Variants in ABCA9 observed in about 807,000 individuals in gnomAD.
The protein encoded by ABCA9 is ATP-binding cassette sub-family A member 9.
In ABCA9, 183 loss-of-function variants were observed where a neutral mutation model predicts 205.3. That is an observed-to-expected ratio of 0.89 (90% CI 0.79 to 1.01). The LOEUF (loss-of-function observed/expected upper bound fraction) is 1.01. ABCA9 is among the 50% of genes least tolerant of loss of function. The pLI, the probability that ABCA9 is intolerant of heterozygous loss-of-function variation, is 0.00. For missense variants in ABCA9, 1,805 were observed against 1,912.4 expected, an observed-to-expected ratio of 0.94 and a Z score of 1.05; for synonymous variants, 651 against 683.3, an observed-to-expected ratio of 0.95 and a Z score of 0.74.
Position 69,012,221 on chromosome 17 carries a change from AC to A in ABCA9, c.3040-139del, listed in dbSNP as rs1217902912. Reference sequence around the variant, plus strand: ...CTCAAGGTCCTATATGCAACTTCTTACCCACATTCATTTTCAATCCTGTATT... The same window carrying A: ...CTCAAGGTCCTATATGCAACTTCTTACCACATTCATTTTCAATCCTGTATT... On this transcript the variant is annotated intron_variant, in intron 22 of 38. Coordinates refer to ENST00000340001, the MANE Select transcript of ABCA9 (RefSeq NM_080283.4). The A allele has an allele frequency of 7.2e-6, 4 of 552,792 alleles. No individual in the cohort carries two copies. The South Asian group carries it at 8.1e-5, about 11-fold the overall frequency. The allele number at this position is 552,792 out of a possible 1,614,324, so 34.2% of individuals were successfully genotyped here.
Position 69,026,366 on chromosome 17 carries a change from C to A in ABCA9, c.2141+11G>T. 6.2e-7 allele frequency: 1 copy of A among 1,608,142 alleles called. No individual in the cohort carries two copies. Among genetic ancestry groups the A allele is most frequent in the Non-Finnish European group, 8.5e-7 (1 of 1,175,902 alleles). On this transcript the variant is annotated intron_variant, in intron 16 of 38. Coordinates refer to ENST00000340001, the MANE Select transcript of ABCA9 (RefSeq NM_080283.4). ...CATCTGTCAACACGTCTCCAACATT[C>A]AGGGCTGTACCTTAAATGGTAGCCT...
At position 69,045,296 on chromosome 17, in the gene ABCA9, A is replaced by G; in HGVS notation, c.345T>C (p.Asp115=). 1 of 1,612,722 alleles carries G rather than the reference A, an allele frequency of 6.2e-7. No individual in the cohort carries two copies. Among genetic ancestry groups the G allele is most frequent in the Non-Finnish European group, 8.5e-7 (1 of 1,179,256 alleles). The change falls in exon 4 of 39, where the codon GAT becomes GAC. Residue 115 remains aspartate (D), a synonymous_variant. Transcript: ENST00000340001. The part of the protein sequence containing the change: ...IMGWPDEKSM[D]ELDLNYSIDA... ...CTATTGAATAGTTCAAATCCAATTC[A>G]TCCATGCTTTTTTCATCAGGCCACC...
chr17:68,990,393 G>A (rs2069408715), intron 29 of ABCA9, among the ~76,000 whole-genome samples: 1 of 152,184 alleles, frequency 6.6e-6, no homozygotes. Context: ...ACATGCATGT[G>A]TTTCTTGAGA....
At chr17:69,008,928 C>A (rs1284325404) in intron 23 of ABCA9, among the ~76,000 whole-genome samples, 2 of 152,050 alleles carry the variant, frequency 1.3e-5, no homozygotes, top group Admixed American at 1.3e-4. Flanking sequence ...AATTTCAAAT[C>A]TAAAATTGAG....
chr17:68,979,802 T>A (rs987919863), intron 37 of ABCA9, among the ~76,000 whole-genome samples: 7 of 152,194 alleles, frequency 4.6e-5, no homozygotes, highest in Non-Finnish European at 7.3e-5. Context: ...ATTAAAGACT[T>A]AAATGTTAGA....
At chr17:69,072,209 A>G in the ABCA9 span, among the ~76,000 whole-genome samples, 2 of 152,344 alleles carry the variant, frequency 1.3e-5, no homozygotes, top group South Asian at 4.1e-4. Context: ...CAATCTAGCA[A>G]GACAGGCCAA....
At chr17:69,076,105 AG>A in the ABCA9 span, among the ~76,000 whole-genome samples, 2 of 152,136 alleles carry the variant, frequency 1.3e-5, no homozygotes, top group Non-Finnish European at 2.9e-5. Flanking sequence ...GCAGTTTTCA[AG>A]GGGAATGGTT....
the ABCA9 span, among the ~76,000 whole-genome samples, chr17:69,077,981 C>A: frequency 0.53 from 80,112 of 151,740 alleles, 22,986 homozygotes; most frequent in Non-Finnish European, 0.66. Context: ...TAAAAAATAT[C>A]AAATCCCATA....
At chr17:69,077,496 T>G in the ABCA9 span, among the ~76,000 whole-genome samples, 1 of 152,216 alleles carries the variant, frequency 6.6e-6, no homozygotes, top group African/African-American at 2.4e-5. Context: ...ATCAGTGAAG[T>G]GTTCTATAGA....
chr17:69,038,730 G>A (rs1423273373), intron 6 of ABCA9, among the ~76,000 whole-genome samples: 1 of 152,154 alleles, frequency 6.6e-6, no homozygotes, highest in Non-Finnish European at 1.5e-5. Context: ...AATCAGGCAA[G>A]AGAAAGAAAT....
intron 1 of ABCA9, among the ~76,000 whole-genome samples, chr17:69,056,158 T>TA (rs2072063800): frequency 1.3e-5 from 2 of 151,694 alleles, no homozygotes; most frequent in African/African-American, 4.8e-5. Context: ...AAAGAAATAG[T>TA]AAAAATTATG....
At chr17:69,054,661 T>C (rs1277204881) in intron 1 of ABCA9, among the ~76,000 whole-genome samples, 4 of 151,866 alleles carry the variant, frequency 2.6e-5, no homozygotes, top group South Asian at 2.1e-4. Flanking sequence ...TAGAAAATAA[T>C]AGCAATGTAT....
intron 4 of ABCA9, 56 bp downstream of exon 4, chr17:69,045,116 C>T: frequency 1.4e-6 from 2 of 1,467,932 alleles, no homozygotes; most frequent in South Asian, 1.2e-5. Flanking sequence ...AGGTATGCCC[C>T]CTTTGTGGCT....
rs139077622 is a variant in ABCA9 at position 69,009,617 on chromosome 17, C to T, written c.3148-1382G>A. ...GATTTAGACAGAGAATTAACATGGT[C>T]AGCTTTGTGTTTTTAAGGTATTACT... On this transcript the variant is annotated intron_variant, in intron 23 of 38. Coordinates refer to ENST00000340001, the MANE Select transcript of ABCA9 (RefSeq NM_080283.4). Among the ~76,000 whole-genome samples the T allele has an allele frequency of 6.1e-3, 930 of 152,204 alleles. 5 individuals are homozygous for T. Among genetic ancestry groups the T allele is most frequent in the Middle Eastern group, 0.014 (4 of 294 alleles).
intron 1 of ABCA9, chr17:69,051,587 A>G (rs1220243934): frequency 6.0e-6 from 1 of 166,254 alleles, no homozygotes; most frequent in Non-Finnish European, 1.3e-5. Context: ...AGATTCTCAC[A>G]TGGGGTCATG....
At chr17:69,047,112 C>T (rs934069604) in intron 3 of ABCA9, among the ~76,000 whole-genome samples, 7 of 151,090 alleles carry the variant, frequency 4.6e-5, no homozygotes, top group Admixed American at 2.6e-4. Context: ...CAGGCACATG[C>T]CACCACACCC....
intron 37 of ABCA9, among the ~76,000 whole-genome samples, chr17:68,976,782 C>G (rs2068902650): frequency 6.6e-6 from 1 of 152,190 alleles, no homozygotes; most frequent in Non-Finnish European, 1.5e-5. Context: ...TTACACTGTT[C>G]CATGTACCTT....
rs1226392334 is a variant in ABCA9, at chr17:69,020,462, C to T, written c.2526G>A (p.Trp842Ter). Residue 842 changes from tryptophan to a stop codon, truncating the protein, a stop_gained, in exon 19 of 39, where the codon TGG becomes TGA. Coordinates refer to ENST00000340001, the MANE Select transcript of ABCA9 (RefSeq NM_080283.4). LOFTEE classifies it high-confidence loss of function. ...TRKTISGVAL[W>*]RQQVCAIAKV... ...TTGCTATTGCACAGACCTGCTGCCTCCAGAGCGCCACGCCACTGATTGTTT... is the reference window on the plus strand; with the variant it reads ...TTGCTATTGCACAGACCTGCTGCCTTCAGAGCGCCACGCCACTGATTGTTT... 6.2e-7 allele frequency: 1 copy of T among 1,613,928 alleles called. No homozygotes were observed. The highest frequency in any genetic ancestry group is 8.5e-7 in the Non-Finnish European group (1 of 1,179,976).
chr17:69,021,231 GAAAAT>G (rs2070797671), intron 18 of ABCA9, among the ~76,000 whole-genome samples: 1 of 151,950 alleles, frequency 6.6e-6, no homozygotes, highest in Non-Finnish European at 1.5e-5. Context: ...TTGCAAAAAT[GAAAAT>G]AAAGAGCACA....
Sources: gnomAD v4.1 joint callset for allele counts (sites outside exome capture counted in the v4.1 genomes callset) on GRCh38, gnomAD v4.1.1 for gene constraint, MANE v1.5 for transcripts, NCBI Gene and HGNC (gene_info 2026-07-23, HGNC 2026-07-21) for gene names.